The following PSG8 variants were observed in gnomAD, a reference collection of about 807,000 sequenced individuals.
PSG8 encodes pregnancy specific beta-1-glycoprotein 8.
Under a neutral mutation model 42.5 loss-of-function variants are expected in PSG8, and 57 were observed. The ratio of observed to expected loss-of-function variants is 1.34; its 90% confidence interval spans 1.08 to 1.67. The LOEUF (loss-of-function observed/expected upper bound fraction) is 1.67, where lower values mean the gene tolerates loss of function less well. PSG8 is among the 40% of genes most tolerant of loss of function. PSG8 has a pLI of 0.00. For synonymous variants in PSG8, 280 were observed against 196.8 expected (o/e 1.42, Z -3.54); for missense variants, 783 against 518.6 (o/e 1.51, Z -4.95).
intron 2 of PSG8, among the ~76,000 whole-genome samples, chr19:42,763,476 C>T (rs140056213): frequency 0.017 from 2,545 of 152,262 alleles, 42 homozygotes; most frequent in African/African-American, 0.028. Context: ...CCAGCCCCAG[C>T]ACAGGCTCCT....
intron 2 of PSG8, 35 bp downstream of exon 2, chr19:42,763,880 TC>T: frequency 6.2e-7 from 1 of 1,613,354 alleles, no homozygotes; most frequent in Non-Finnish European, 8.5e-7. Context: ...GTGACCCCTG[TC>T]CCCCAACACC....
intron 1 of PSG8, among the ~76,000 whole-genome samples, chr19:42,764,784 G>A (rs1166920855): frequency 6.6e-6 from 1 of 152,134 alleles, no homozygotes; most frequent in Non-Finnish European, 1.5e-5. Context: ...CATGAGGACA[G>A]GGATTTTTGT....
chr19:42,761,203 G>T (rs567162450), intron 2 of PSG8, among the ~76,000 whole-genome samples: 6 of 152,264 alleles, frequency 3.9e-5, no homozygotes, highest in African/African-American at 1.4e-4. Flanking sequence ...CTCATTGCTG[G>T]GCATAGGCCA....
intron 2 of PSG8, among the ~76,000 whole-genome samples, chr19:42,762,005 G>A (rs1459634854): frequency 7.2e-5 from 11 of 151,830 alleles, no homozygotes; most frequent in Admixed American, 2.0e-4. Flanking sequence ...GTGACCTGGG[G>A]ACATTGGCTC....
Position 42,763,771 on chromosome 19 carries a change from G to A in PSG8, c.430+145C>T, listed in dbSNP as rs1319244517. 8 of 1,459,608 alleles carry A rather than the reference G, an allele frequency of 5.5e-6. No homozygotes were observed. In the Admixed American group the frequency reaches 1.2e-4, roughly 22 times the overall value. The allele number at this position is 1,459,608 out of a possible 1,614,324, so 90.4% of individuals were successfully genotyped here. A position where few individuals can be genotyped will look rare whatever the true frequency, so the allele number is the denominator to read the frequency against. On this transcript the variant is annotated intron_variant, in intron 2 of 4. Transcript: ENST00000306511. The stretch of plus-strand genomic sequence containing the variant: ...CTGTTGAAATTTGTCTCCTCTGTGT[G>A]TGTCCTGCACTAAATGCCCAAACCC...
Position 42,758,041 on chromosome 19 carries a change from T to G in PSG8, c.670A>C (p.Ser224Arg). The G allele has an allele frequency of 3.1e-6, 5 of 1,614,038 alleles. No homozygotes were observed. The highest frequency in any genetic ancestry group is 4.2e-6 in the Non-Finnish European group (5 of 1,179,954). The part of the protein sequence containing the change: ...PYECEIRNPV[S>R]ASRSDPFTLN... ...GTGAATGGGTCACTGCGGCTGGCAC[T>G]CACTGGGTTCCGTATTTCACATTCA... The change falls in exon 3 of 5, where the codon AGT (serine) becomes CGT (arginine). Residue 224 changes from serine to arginine, a missense_variant. Coordinates refer to ENST00000306511, the MANE Select transcript of PSG8 (RefSeq NM_182707.3).
Position 42,758,133 on chromosome 19 carries a change from A to C in PSG8, c.578T>G (p.Leu193Trp), listed in dbSNP as rs775825555. The C allele has an allele frequency of 9.3e-6, 15 of 1,614,008 alleles. No homozygotes were observed. Among genetic ancestry groups the C allele is most frequent in the Admixed American group, 8.3e-5 (5 of 60,008 alleles). ...NGQSLPMSHR[L>W]QLSETNRTLF... The stretch of plus-strand genomic sequence containing the variant: ...GGTCCTGTTGGTTTCAGACAACTGC[A>C]ACCTGTGAGACATAGGGAGGCTCTG... Residue 193 changes from leucine (L) to tryptophan (W), a missense_variant, in exon 3 of 5, where the codon TTG (leucine) becomes TGG (tryptophan). Transcript: ENST00000306511.
rs58868359 is a variant in PSG8 at position 42,761,820 on chromosome 19, A to ATTTTTTTT, written c.430+2088_430+2095dup. On this transcript the variant is annotated intron_variant, in intron 2 of 4. Coordinates refer to ENST00000306511, the MANE Select transcript of PSG8 (RefSeq NM_182707.3). ...TTGACTAGAAACCAACATTTCAATA[A>ATTTTTTTT]TTTTTTTTTTTTTTTTTTTTTTTTT... Among the ~76,000 whole-genome samples, 699 of 70,498 alleles carry ATTTTTTTT rather than the reference A, an allele frequency of 9.9e-3. 46 individuals are homozygous for ATTTTTTTT. The highest frequency in any genetic ancestry group is 0.016 in the Middle Eastern group (1 of 64). The allele number at this position is 70,498 out of a possible 152,430, so 46.2% of individuals were successfully genotyped here. A position where few individuals can be genotyped will look rare whatever the true frequency, so the allele number is the denominator to read the frequency against.
At chr19:42,753,912 A>C (rs757952164), downstream of PSG8, 4 of 520,160 alleles carry the variant, frequency 7.7e-6, no homozygotes, top group East Asian at 1.0e-4. Flanking sequence ...GTCAGGTAGA[A>C]AGCAAAAGTA....
intron 2 of PSG8, among the ~76,000 whole-genome samples, chr19:42,759,738 G>C (rs1970026629): frequency 2.6e-5 from 4 of 152,082 alleles, no homozygotes; most frequent in Admixed American, 2.6e-4. Flanking sequence ...AAAAATATTT[G>C]GAGGAAACAT....
Position 42,755,084 on chromosome 19 carries a change from G to A in PSG8, c.892C>T (p.Pro298Ser). 2 of 1,612,206 alleles carry A rather than the reference G, an allele frequency of 1.2e-6. No homozygotes were observed. The highest frequency in any genetic ancestry group is 1.7e-6 in the Non-Finnish European group (2 of 1,179,798). ...CCTGTTTCATTTCTCGTGACACTGG[G>A]TAGAATGAGGATCCTGTTTTCAATG... ...RPIENRILILPSVTRNETGPY... is the reference protein window; with the variant it reads ...RPIENRILILSSVTRNETGPY... The change falls in exon 4 of 5, where the codon CCC becomes TCC. Residue 298 changes from proline to serine, a missense_variant. Transcript: ENST00000306511.
chr19:42,754,600 G>A lies in PSG8; in HGVS notation c.989-13C>T, dbSNP rs1466168036. 1.9e-6 allele frequency: 3 copies of A among 1,607,092 alleles called. No homozygotes were observed. Among genetic ancestry groups the A allele is most frequent in the Admixed American group, 1.7e-5 (1 of 59,628 alleles). ...AGGTCTGGACCATCTGGAGCAAAGA[G>A]AATAAAGCCACAGGTGATGTCATCT... On this transcript the variant is annotated splice_polypyrimidine_tract_variant and intron_variant, in intron 4 of 4. Transcript: ENST00000306511.
intron 2 of PSG8, among the ~76,000 whole-genome samples, chr19:42,759,094 A>G (rs1294135387): frequency 6.6e-6 from 1 of 152,108 alleles, no homozygotes; most frequent in Non-Finnish European, 1.5e-5. Context: ...TTGCAAATGC[A>G]GAACCGACTG....
intron 1 of PSG8, 133 bp from the exon 2 acceptor site, chr19:42,764,414 G>T: frequency 7.3e-7 from 1 of 1,365,182 alleles, no homozygotes. Flanking sequence ...ACAAACACAC[G>T]CACACACACA....
At position 42,764,144 on chromosome 19, in the gene PSG8, A is replaced by G. The variant is rs1327041262; in HGVS notation, c.202T>C (p.Tyr68His). 5.0e-6 allele frequency: 8 copies of G among 1,613,756 alleles called. No individual in the cohort carries two copies. In the African/African-American group the frequency reaches 8.0e-5, roughly 16 times the overall value. ...LPQNLTGYIW[Y>H]KGQIRDLYHY... ...TAGAGGTCCCTGATTTGCCCTTTGT[A>G]CCAGATGTAGCCAGTAAGATTCTGG... The change falls in exon 2 of 5, where the codon TAC becomes CAC. Residue 68 changes from tyrosine (Y) to histidine (H), a missense_variant. By Grantham distance (83) the Tyr-to-His change is moderately conservative. Transcript: ENST00000306511.
At position 42,758,291 on chromosome 19, in the gene PSG8, A is replaced by G. The variant is rs1165604929; in HGVS notation, c.431-11T>C. The G allele has an allele frequency of 3.1e-6, 5 of 1,611,986 alleles. No homozygotes were observed. The highest frequency in any genetic ancestry group is 4.2e-6 in the Non-Finnish European group (5 of 1,178,788). On this transcript the variant is annotated splice_polypyrimidine_tract_variant and intron_variant, in intron 2 of 4. Coordinates refer to ENST00000306511, the MANE Select transcript of PSG8 (RefSeq NM_182707.3). Reference sequence around the variant, plus strand: ...GCTTGGGAGTCTCCACTGTGCAGAAAACAGAGAGAAGATTGCCCTGTGTGG... The same window carrying G: ...GCTTGGGAGTCTCCACTGTGCAGAAGACAGAGAGAAGATTGCCCTGTGTGG...
At chr19:42,763,077 G>T (rs1407430571) in intron 2 of PSG8, among the ~76,000 whole-genome samples, 18 of 152,280 alleles carry the variant, frequency 1.2e-4, no homozygotes, top group East Asian at 3.9e-4. Flanking sequence ...AATGTTAAAT[G>T]ATTCACAGTC....
At chr19:42,763,807 C>T (rs1003919458) in intron 2 of PSG8, 109 bp downstream of exon 2, 1 of 1,579,868 alleles carries the variant, frequency 6.3e-7, no homozygotes, top group African/African-American at 1.4e-5. Flanking sequence ...CAGCATGGGA[C>T]ATAATGCAGA....
At chr19:42,757,154 A>G (rs1969947348) in intron 3 of PSG8, among the ~76,000 whole-genome samples, 1 of 152,190 alleles carries the variant, frequency 6.6e-6, no homozygotes, top group East Asian at 1.9e-4. Flanking sequence ...GTTAGTGTAT[A>G]GTCTAAAGAA....
Sources: allele counts gnomAD v4.1 joint callset (sites outside exome capture counted in the v4.1 genomes callset), GRCh38; gene constraint gnomAD v4.1.1; transcripts MANE v1.5; gene names NCBI Gene and HGNC (gene_info 2026-07-23, HGNC 2026-07-21).